The following FSTL4 variants were observed in gnomAD, a reference collection of about 807,000 sequenced individuals.
FSTL4 encodes follistatin-related protein 4.
A neutral mutation model predicts 78.2 loss-of-function variants in FSTL4; 28 were observed. The observed-to-expected ratio is 0.36, with a 90% CI of 0.27 to 0.49. The LOEUF (loss-of-function observed/expected upper bound fraction) is 0.49, where lower values mean the gene tolerates loss of function less well. Among genes scored for constraint, FSTL4 ranks in the 20% least tolerant of loss-of-function variants. FSTL4 has a pLI of 0.98. For missense variants in FSTL4, 922 were observed against 1,084.9 expected, an observed-to-expected ratio of 0.85 and a Z score of 2.11; for synonymous variants, 422 against 440.5, an observed-to-expected ratio of 0.96 and a Z score of 0.53.
chr5:133,622,941 G>A, the FSTL4 span, among the ~76,000 whole-genome samples: 1,701 of 152,134 alleles, frequency 0.011, 10 homozygotes, highest in Non-Finnish European at 0.016. Context: ...CCTTTTGTGG[G>A]TCTTGCTTTT....
At chr5:133,409,782 C>A (rs1487175617) in intron 3 of FSTL4, among the ~76,000 whole-genome samples, 1 of 152,144 alleles carries the variant, frequency 6.6e-6, no homozygotes, top group Non-Finnish European at 1.5e-5. Context: ...GCTGAGTAAT[C>A]CATCAATGGT....
At chr5:133,639,278 T>A in the FSTL4 span, among the ~76,000 whole-genome samples, 4 of 152,302 alleles carry the variant, frequency 2.6e-5, no homozygotes, top group South Asian at 4.1e-4. Flanking sequence ...TGCACTTTTA[T>A]CTATTGGGTT....
At chr5:133,653,843 G>A in the FSTL4 span, among the ~76,000 whole-genome samples, 1 of 152,224 alleles carries the variant, frequency 6.6e-6, no homozygotes, top group Admixed American at 6.5e-5. Flanking sequence ...TGCACACATG[G>A]CTGCTCATGA....
intron 4 of FSTL4, among the ~76,000 whole-genome samples, chr5:133,394,037 G>A (rs1463884402): frequency 6.6e-6 from 1 of 152,244 alleles, no homozygotes; most frequent in Non-Finnish European, 1.5e-5. Context: ...CAAAGCTATG[G>A]GTGCCTTTGA....
chr5:133,425,986 T>C (rs189800356), intron 3 of FSTL4, among the ~76,000 whole-genome samples: 1 of 152,324 alleles, frequency 6.6e-6, no homozygotes, highest in East Asian at 1.9e-4. Context: ...CTAGTCTTCC[T>C]GTCTAAGTGC....
intron 3 of FSTL4, among the ~76,000 whole-genome samples, chr5:133,520,307 T>C (rs1758950481): frequency 6.6e-6 from 1 of 152,118 alleles, no homozygotes; most frequent in African/African-American, 2.4e-5. Context: ...CCTTCCATGC[T>C]GCAGGCCTCT....
the FSTL4 span, among the ~76,000 whole-genome samples, chr5:133,803,536 C>T: frequency 3.3e-5 from 5 of 152,168 alleles, no homozygotes; most frequent in East Asian, 7.7e-4. Flanking sequence ...CTCCTGGAGT[C>T]CCAGACCGTC....
chr5:133,610,911 C>G (rs1328172473), intron 1 of FSTL4, among the ~76,000 whole-genome samples: 1 of 152,138 alleles, frequency 6.6e-6, no homozygotes, highest in African/African-American at 2.4e-5. Context: ...TTTTGGCTGG[C>G]AGTTACTTCA....
At chr5:133,736,074 G>A in the FSTL4 span, among the ~76,000 whole-genome samples, 2 of 152,192 alleles carry the variant, frequency 1.3e-5, no homozygotes, top group African/African-American at 4.8e-5. Context: ...AGTGCCTGGA[G>A]GATGGAGGGT....
chr5:133,299,863 T>TTAGTC (rs1472366061), intron 6 of FSTL4, among the ~76,000 whole-genome samples: 1 of 152,132 alleles, frequency 6.6e-6, no homozygotes, highest in African/African-American at 2.4e-5. Flanking sequence ...TGGAATACAA[T>TTAGTC]TAGTCGGTAC....
intron 3 of FSTL4, among the ~76,000 whole-genome samples, chr5:133,551,433 C>T (rs958363083): frequency 6.6e-6 from 1 of 152,214 alleles, no homozygotes; most frequent in African/African-American, 2.4e-5. Context: ...CATTAATTCT[C>T]ACTGCACAAG....
At chr5:133,680,830 A>C in the FSTL4 span, among the ~76,000 whole-genome samples, 16 of 152,354 alleles carry the variant, frequency 1.1e-4, no homozygotes, top group South Asian at 2.1e-4. Context: ...TGGGGATTCC[A>C]TGTTAATGAC....
chr5:133,662,296 A>G, the FSTL4 span, among the ~76,000 whole-genome samples: 1 of 152,198 alleles, frequency 6.6e-6, no homozygotes, highest in Non-Finnish European at 1.5e-5. Context: ...CTCAATTTTT[A>G]CATATTTTAC....
At chr5:133,628,215 A>G in the FSTL4 span, among the ~76,000 whole-genome samples, 3 of 152,214 alleles carry the variant, frequency 2.0e-5, no homozygotes, top group Admixed American at 6.5e-5. Context: ...TAGAGAAGCA[A>G]GAGTAAACAA....
chr5:133,807,654 C>T, the FSTL4 span, among the ~76,000 whole-genome samples: 16 of 152,296 alleles, frequency 1.1e-4, no homozygotes, highest in South Asian at 2.3e-3. Flanking sequence ...GTTGAGGCAA[C>T]GCCCTGGAAA....
intron 4 of FSTL4, among the ~76,000 whole-genome samples, chr5:133,333,138 C>A (rs995339416): frequency 6.6e-6 from 1 of 152,212 alleles, no homozygotes; most frequent in African/African-American, 2.4e-5. Flanking sequence ...CAGCCCCAGC[C>A]CCATCCTGCA....
chr5:133,820,172 C>G, the FSTL4 span, among the ~76,000 whole-genome samples: 2 of 152,212 alleles, frequency 1.3e-5, no homozygotes, highest in African/African-American at 2.4e-5. Context: ...CCTCCTCCCC[C>G]AGAAGTCCTT....
chr5:133,839,242 A>C, the FSTL4 span, among the ~76,000 whole-genome samples: 1 of 152,142 alleles, frequency 6.6e-6, no homozygotes, highest in Non-Finnish European at 1.5e-5. Context: ...CTCACTCCCA[A>C]GGCTGGTTTC....
At chr5:133,605,147 G>C (rs1760951987) in intron 1 of FSTL4, among the ~76,000 whole-genome samples, 1 of 152,136 alleles carries the variant, frequency 6.6e-6, no homozygotes, top group Non-Finnish European at 1.5e-5. Flanking sequence ...CATAATTTCA[G>C]TATTCTGATT....
Sources: allele counts gnomAD v4.1 joint callset (sites outside exome capture counted in the v4.1 genomes callset), GRCh38; gene constraint gnomAD v4.1.1; transcripts MANE v1.5; gene names NCBI Gene and HGNC (gene_info 2026-07-23, HGNC 2026-07-21).